WWP2: variants seen among roughly 807,000 people sequenced by gnomAD.
WWP2 encodes WW domain containing E3 ubiquitin protein ligase 2, also known as NEDD4-like E3 ubiquitin-protein ligase WWP2.
WWP2 carries 57 observed loss-of-function variants against 121.0 expected under a neutral mutation model. The observed-to-expected ratio is 0.47, with a 90% CI of 0.38 to 0.59. The LOEUF (loss-of-function observed/expected upper bound fraction) is 0.59, where lower values mean the gene tolerates loss of function less well. WWP2 is among the 20% of genes least tolerant of loss of function. The probability of loss-of-function intolerance (pLI) is 0.00; values close to 1 mark genes in which losing one functional copy is unlikely to be tolerated. For synonymous variants in WWP2, 449 were observed against 441.3 expected, an observed-to-expected ratio of 1.02 and a Z score of -0.22; for missense variants, 962 against 1,158.9, an observed-to-expected ratio of 0.83 and a Z score of 2.47.
At chr16:69,765,868 G>C (rs1244254416) in intron 1 of WWP2, among the ~76,000 whole-genome samples, 2 of 152,154 alleles carry the variant, frequency 1.3e-5, no homozygotes, top group East Asian at 3.9e-4. Context: ...TCTCACTTTT[G>C]CCCAGGCTGG....
intron 6 of WWP2, among the ~76,000 whole-genome samples, chr16:69,864,907 C>G (rs1397795313): frequency 1.3e-5 from 2 of 151,946 alleles, no homozygotes; most frequent in Admixed American, 1.3e-4. Context: ...CCACCACGTC[C>G]AGCCTAAAAA....
At chr16:69,932,208 A>G (rs891366657) in intron 16 of WWP2, among the ~76,000 whole-genome samples, 1 of 152,266 alleles carries the variant, frequency 6.6e-6, no homozygotes, top group East Asian at 1.9e-4. Flanking sequence ...GCATGCCTGT[A>G]ATCCCAGCTC....
At chr16:69,772,848 G>A (rs2055445577) in intron 1 of WWP2, among the ~76,000 whole-genome samples, 1 of 151,986 alleles carries the variant, frequency 6.6e-6, no homozygotes, top group Non-Finnish European at 1.5e-5. Flanking sequence ...TTGCCAGTCT[G>A]CTTGCCTTCT....
chr16:69,878,613 C>T (rs1315392882), intron 7 of WWP2, among the ~76,000 whole-genome samples: 9 of 152,132 alleles, frequency 5.9e-5, no homozygotes, highest in South Asian at 2.1e-4. Flanking sequence ...CCTCTTGTCT[C>T]GGCCTTCCAA....
rs1257317859 is a variant in WWP2 at position 69,898,361 on chromosome 16, AT to A, written c.914+10115del. Among the ~76,000 whole-genome samples, 5 of 152,160 alleles carry A rather than the reference AT, an allele frequency of 3.3e-5. No homozygotes were observed. The South Asian group carries it at 1.0e-3, about 32-fold the overall frequency. On this transcript the variant is annotated intron_variant, in intron 8 of 23. Coordinates refer to ENST00000359154, the MANE Select transcript of WWP2 (RefSeq NM_001270454.2). Reference sequence around the variant, plus strand: ...CTTAAAGATTTGTACAGCAACTGGAATTTCTGCATTATAGGAAATGAAGATC... The same window carrying A: ...CTTAAAGATTTGTACAGCAACTGGAATTCTGCATTATAGGAAATGAAGATC...
At chr16:69,819,019 T>C (rs72783189) in intron 4 of WWP2, among the ~76,000 whole-genome samples, 8,693 of 152,224 alleles carry the variant, frequency 0.057, 299 homozygotes, top group Middle Eastern at 0.11. Context: ...CTTGAAGCAG[T>C]GACAATTCTG....
intron 10 of WWP2, among the ~76,000 whole-genome samples, chr16:69,924,214 C>T (rs2058605024): frequency 1.3e-5 from 2 of 152,176 alleles, no homozygotes; most frequent in Non-Finnish European, 2.9e-5. Context: ...TCTGTCCTTT[C>T]AGCTGGGGGT....
intron 7 of WWP2, among the ~76,000 whole-genome samples, chr16:69,872,148 C>A (rs77148491): frequency 0.03 from 4,632 of 152,258 alleles, 195 homozygotes; most frequent in East Asian, 0.22. Context: ...CATATGACTG[C>A]GCTCTTCTAA....
chr16:69,804,388 A>G (rs2056233223), intron 4 of WWP2, among the ~76,000 whole-genome samples: 1 of 151,996 alleles, frequency 6.6e-6, no homozygotes, highest in Admixed American at 6.6e-5. Context: ...ACAAATAGGG[A>G]TCTAATTCAT....
chr16:69,862,704 A>AG (rs2057444854), intron 6 of WWP2, among the ~76,000 whole-genome samples: 1 of 144,350 alleles, frequency 6.9e-6, no homozygotes, highest in African/African-American at 2.6e-5. Flanking sequence ...GCCAGCCATG[A>AG]ATTCTTTTTT....
At chr16:69,932,041 G>A (rs1026895306) in intron 16 of WWP2, 151 bp downstream of exon 16, 71 of 801,196 alleles carry the variant, frequency 8.9e-5, no homozygotes, top group Non-Finnish European at 1.2e-4. Context: ...TTCAAAATAC[G>A]TGAACCCGCC....
chr16:69,803,220 C>G (rs2056207248), intron 4 of WWP2, among the ~76,000 whole-genome samples: 1 of 151,484 alleles, frequency 6.6e-6, no homozygotes, highest in Non-Finnish European at 1.5e-5. Context: ...CTCCTGGCCT[C>G]TCAATAAGAA....
intron 9 of WWP2, among the ~76,000 whole-genome samples, chr16:69,916,125 T>C (rs1040594281): frequency 3.9e-5 from 6 of 152,164 alleles, no homozygotes; most frequent in Non-Finnish European, 7.3e-5. Flanking sequence ...TTCCAGATTT[T>C]TGTGAGCCTT....
chr16:69,770,064 G>A (rs1460943101), intron 1 of WWP2, among the ~76,000 whole-genome samples: 1 of 152,106 alleles, frequency 6.6e-6, no homozygotes, highest in African/African-American at 2.4e-5. Flanking sequence ...ATTTCGCCGT[G>A]TTGGCCAGGC....
chr16:69,827,154 G>GAAA (rs71151140), intron 4 of WWP2, among the ~76,000 whole-genome samples: 2 of 142,166 alleles, frequency 1.4e-5, no homozygotes, highest in African/African-American at 2.6e-5. Flanking sequence ...TGGAAATTAT[G>GAAA]AAAAAAAAAA....
chr16:69,840,493 G>C (rs901421870), intron 5 of WWP2, among the ~76,000 whole-genome samples: 5 of 152,202 alleles, frequency 3.3e-5, no homozygotes, highest in Admixed American at 6.5e-5. Context: ...TGTTTGGTTT[G>C]ATAGCAGAGA....
intron 8 of WWP2, among the ~76,000 whole-genome samples, chr16:69,888,669 G>A (rs1296222755): frequency 1.3e-5 from 2 of 151,952 alleles, no homozygotes; most frequent in East Asian, 1.9e-4. Context: ...TCTCATAATC[G>A]GGACTTAAGT....
intron 7 of WWP2, among the ~76,000 whole-genome samples, chr16:69,876,905 G>C (rs2057745239): frequency 6.6e-6 from 1 of 152,130 alleles, no homozygotes; most frequent in Non-Finnish European, 1.5e-5. Flanking sequence ...CCATGCTGCA[G>C]ACAGATGTGC....
intron 13 of WWP2, 151 bp downstream of exon 13, chr16:69,930,409 G>T: frequency 7.1e-6 from 9 of 1,272,004 alleles, no homozygotes; most frequent in Non-Finnish European, 9.5e-6. Flanking sequence ...TCATATTAAA[G>T]GGGATGGGAG....
Sources: gnomAD v4.1 joint callset for allele counts (sites outside exome capture counted in the v4.1 genomes callset) on GRCh38, gnomAD v4.1.1 for gene constraint, MANE v1.5 for transcripts, NCBI Gene and HGNC (gene_info 2026-07-23, HGNC 2026-07-21) for gene names.